CYYR1: variants seen among roughly 807,000 people sequenced by gnomAD.
CYYR1 encodes cysteine and tyrosine rich 1, also known as cysteine and tyrosine-rich protein 1.
Under a neutral mutation model 15.2 loss-of-function variants are expected in CYYR1, and 14 were observed. The observed-to-expected ratio is 0.92, with a 90% CI of 0.61 to 1.44. The LOEUF is 1.44. Ranked by LOEUF, CYYR1 falls within the 40% of genes most tolerant of loss-of-function variation. The pLI, the probability that CYYR1 is intolerant of heterozygous loss-of-function variation, is 0.00. For synonymous variants in CYYR1, 80 were observed against 77.4 expected (o/e 1.03, Z -0.18); for missense variants, 228 against 209.5 (o/e 1.09, Z -0.54).
intron 1 of CYYR1, 55 bp from the exon 2 acceptor site, chr21:26,566,423 G>A (rs2123734249): frequency 1.5e-6 from 2 of 1,368,522 alleles, no homozygotes; most frequent in Non-Finnish European, 2.1e-6. Context: ...ACAGTTTCAA[G>A]AAAAATTATT....
rs1433350306 is a variant in CYYR1, at chr21:26,467,073, T to C, written c.*1428A>G. 2.0e-5 allele frequency: 3 copies of C among 152,188 alleles called. No homozygotes were observed. Among genetic ancestry groups the C allele is most frequent in the Non-Finnish European group, 2.9e-5 (2 of 68,020 alleles). The allele number at this position is 152,188 out of a possible 1,614,324, so 9.4% of individuals were successfully genotyped here. ...AAAATGCTTTGTTTGATTGTTTCAT[T>C]CAGCAAAATTCTTGGCACTGTTTTG... On this transcript the variant is annotated 3_prime_UTR_variant, in exon 4 of 4. Transcript: ENST00000652641.
intron 2 of CYYR1, among the ~76,000 whole-genome samples, chr21:26,505,160 A>T (rs2065537905): frequency 6.6e-6 from 1 of 152,248 alleles, no homozygotes; most frequent in African/African-American, 2.4e-5. Flanking sequence ...AATCTGAAAG[A>T]AAACATGGCC....
At chr21:26,511,987 T>TATACACAC (rs140147080) in intron 2 of CYYR1, among the ~76,000 whole-genome samples, 1 of 148,122 alleles carries the variant, frequency 6.8e-6, no homozygotes, top group African/African-American at 2.5e-5. Context: ...ATATCACACA[T>TATACACAC]ACACACACAC....
rs78811899 is a variant in CYYR1, at chr21:26,483,798, T to C, written c.177-3369A>G. On this transcript the variant is annotated intron_variant, in intron 2 of 3. Coordinates refer to ENST00000652641, the MANE Select transcript of CYYR1 (RefSeq NM_001320768.2). ...GATCTCTGAAGGCAGATCACCTGGGTACCAACTATAGCTGTGGAACCTTGG... is the reference window on the plus strand; with the variant it reads ...GATCTCTGAAGGCAGATCACCTGGGCACCAACTATAGCTGTGGAACCTTGG... 1.2e-3 allele frequency among the ~76,000 whole-genome samples: 188 copies of C among 152,250 alleles called. 3 individuals carry two copies. In the East Asian group the frequency reaches 0.031, roughly 25 times the overall value.
chr21:26,470,643 TA>T (rs1031418304), intron 3 of CYYR1: 6 of 152,486 alleles, frequency 3.9e-5, no homozygotes, highest in African/African-American at 1.4e-4. Context: ...CATCCAGTGG[TA>T]CTGTGAGTCA....
chr21:26,538,998 G>A (rs1428867997), intron 2 of CYYR1, among the ~76,000 whole-genome samples: 1 of 152,102 alleles, frequency 6.6e-6, no homozygotes, highest in Non-Finnish European at 1.5e-5. Context: ...AATGATGAGT[G>A]AAAATGCAAT....
intron 2 of CYYR1, among the ~76,000 whole-genome samples, chr21:26,514,236 C>T (rs1008141972): frequency 6.6e-6 from 1 of 152,082 alleles, no homozygotes; most frequent in African/African-American, 2.4e-5. Context: ...GGTTTGACCC[C>T]CCTCCAAATC....
chr21:26,555,803 G>A (rs1356684054), intron 2 of CYYR1, among the ~76,000 whole-genome samples: 1 of 152,060 alleles, frequency 6.6e-6, no homozygotes, highest in East Asian at 1.9e-4. Context: ...CTGTGTTCTG[G>A]GTTGCAGCTG....
chr21:26,485,165 G>A (rs1439958654), intron 2 of CYYR1, among the ~76,000 whole-genome samples: 1 of 151,942 alleles, frequency 6.6e-6, no homozygotes, highest in African/African-American at 2.4e-5. Context: ...GCCTTGCAAG[G>A]TTTGCACATT....
intron 2 of CYYR1, among the ~76,000 whole-genome samples, chr21:26,493,343 C>T (rs461594): frequency 0.83 from 125,689 of 151,744 alleles, 52,851 homozygotes; most frequent in Non-Finnish European, 0.88. Flanking sequence ...TACCAGACTG[C>T]ATCCAGGCAT....
intron 2 of CYYR1, among the ~76,000 whole-genome samples, chr21:26,496,456 A>G (rs866414316): frequency 2.6e-5 from 4 of 152,234 alleles, no homozygotes; most frequent in Admixed American, 6.5e-5. Context: ...CTGTTAATGA[A>G]TATTGCTATT....
chr21:26,507,617 G>A (rs978847817), intron 2 of CYYR1, among the ~76,000 whole-genome samples: 5 of 152,128 alleles, frequency 3.3e-5, no homozygotes, highest in Non-Finnish European at 5.9e-5. Context: ...GTGAGCCAAA[G>A]AAGAATTACA....
intron 2 of CYYR1, among the ~76,000 whole-genome samples, chr21:26,509,701 C>T (rs1352896419): frequency 6.6e-6 from 1 of 152,216 alleles, no homozygotes; most frequent in African/African-American, 2.4e-5. Flanking sequence ...ATTTTTCATC[C>T]TATAGCTCCA....
chr21:26,557,428 A>G (rs933691062), intron 2 of CYYR1, among the ~76,000 whole-genome samples: 2 of 152,184 alleles, frequency 1.3e-5, no homozygotes, highest in Non-Finnish European at 2.9e-5. Context: ...CTGAAATATC[A>G]CAAATCCTAC....
At chr21:26,494,595 A>G (rs2830256) in intron 2 of CYYR1, among the ~76,000 whole-genome samples, 3 of 151,868 alleles carry the variant, frequency 2.0e-5, no homozygotes, top group Non-Finnish European at 2.9e-5. Flanking sequence ...AGATGGCTAC[A>G]CCAAGACGCA....
At chr21:26,569,841 C>A (rs774325446) in intron 1 of CYYR1, among the ~76,000 whole-genome samples, 7 of 152,164 alleles carry the variant, frequency 4.6e-5, no homozygotes, top group Non-Finnish European at 1.0e-4. Flanking sequence ...TTTGAGCCAA[C>A]GTTACAGGAA....
intron 3 of CYYR1, among the ~76,000 whole-genome samples, chr21:26,474,108 G>T (rs1289211636): frequency 6.9e-6 from 1 of 145,774 alleles, no homozygotes; most frequent in Non-Finnish European, 1.5e-5. Context: ...GTGCAATGGC[G>T]CGATCTTGCC....
At chr21:26,568,540 A>G (rs1056266370) in intron 1 of CYYR1, 3 of 152,234 alleles carry the variant, frequency 2.0e-5, no homozygotes, top group African/African-American at 7.2e-5. Context: ...ACCGTTCCTG[A>G]CATCAGCCTT....
intron 2 of CYYR1, among the ~76,000 whole-genome samples, chr21:26,505,312 A>G (rs1265649932): frequency 6.6e-6 from 1 of 152,230 alleles, no homozygotes; most frequent in Non-Finnish European, 1.5e-5. Context: ...TGTAAAAAGT[A>G]AAAAGCAATA....
Sources: gnomAD v4.1 joint callset for allele counts (sites outside exome capture counted in the v4.1 genomes callset) on GRCh38, gnomAD v4.1.1 for gene constraint, MANE v1.5 for transcripts, NCBI Gene and HGNC (gene_info 2026-07-23, HGNC 2026-07-21) for gene names.